The following RABEP1 variants were observed in gnomAD, a reference collection of about 807,000 sequenced individuals.
RABEP1 encodes the protein rabaptin, RAB GTPase binding effector protein 1, also known as rab GTPase-binding effector protein 1.
In RABEP1, 51 loss-of-function variants were observed where a neutral mutation model predicts 123.4. The observed-to-expected ratio is 0.41, with a 90% CI of 0.33 to 0.52. The LOEUF is 0.52. Ranked by LOEUF, RABEP1 falls within the 20% of genes least tolerant of loss-of-function variation. The pLI is 0.16. For synonymous variants in RABEP1, 347 were observed against 355.2 expected (o/e 0.98, Z 0.26); for missense variants, 888 against 996.3 (o/e 0.89, Z 1.46).
chr17:5,362,852 C>T, intron 9 of RABEP1, 60 bp from the exon 10 acceptor site: 1 of 1,114,696 alleles, frequency 9.0e-7, no homozygotes, highest in South Asian at 1.3e-5. Context: ...TGCACGTGTA[C>T]CTCAAGTGTG....
At chr17:5,308,987 A>G (rs2075208858) in intron 2 of RABEP1, among the ~76,000 whole-genome samples, 165 bp downstream of exon 2, 1 of 152,200 alleles carries the variant, frequency 6.6e-6, no homozygotes, top group South Asian at 2.1e-4. Flanking sequence ...GGATTGAAAA[A>G]CAAGTTGAAA....
chr17:5,329,507 G>C (rs183179275), intron 2 of RABEP1, among the ~76,000 whole-genome samples: 1 of 152,288 alleles, frequency 6.6e-6, no homozygotes, highest in African/African-American at 2.4e-5. Context: ...CTCTAGCCTG[G>C]GCAACAAGAG....
chr17:5,286,368 C>T (rs2074977768), intron 1 of RABEP1, among the ~76,000 whole-genome samples: 1 of 152,048 alleles, frequency 6.6e-6, no homozygotes, highest in African/African-American at 2.4e-5. Context: ...GTGGTGCGCA[C>T]CTGTAGTCCC....
At position 5,283,305 on chromosome 17, in the gene RABEP1, TA is replaced by T. The variant is rs776104482; in HGVS notation, c.34+797del. On this transcript the variant is annotated intron_variant, in intron 1 of 17. Coordinates refer to ENST00000537505, the MANE Select transcript of RABEP1 (RefSeq NM_004703.6). ...ACTTGAAGATATTTGCTTGTGGAACTAAAAAAAAAAAAGTGAAGTCGAAGAA... is the reference window on the plus strand; with the variant it reads ...ACTTGAAGATATTTGCTTGTGGAACTAAAAAAAAAAAGTGAAGTCGAAGAA... Among the ~76,000 whole-genome samples the T allele has an allele frequency of 6.7e-3, 955 of 141,730 alleles. 2 individuals are homozygous for T. The highest frequency in any genetic ancestry group is 0.015 in the Middle Eastern group (4 of 272). The allele number at this position is 141,730 out of a possible 152,430, so 93.0% of individuals were successfully genotyped here. A position where few individuals can be genotyped will look rare whatever the true frequency, so the allele number is the denominator to read the frequency against.
At chr17:5,369,028 G>C (rs946797165) in intron 12 of RABEP1, among the ~76,000 whole-genome samples, 1 of 152,136 alleles carries the variant, frequency 6.6e-6, no homozygotes, top group Non-Finnish European at 1.5e-5. Context: ...AGAAGCGCTT[G>C]AACCTGGGAG....
intron 16 of RABEP1, 88 bp downstream of exon 16, chr17:5,380,550 C>A (rs1235967647): frequency 9.0e-7 from 1 of 1,116,144 alleles, no homozygotes; most frequent in Admixed American, 2.0e-5. Context: ...AATATTGGTG[C>A]TTTGAAGTGT....
chr17:5,385,305 A>G lies in RABEP1; in HGVS notation c.*2082A>G, dbSNP rs1279513221. 1 of 230,990 alleles carries G rather than the reference A, an allele frequency of 4.3e-6. No individual in the cohort carries two copies. The highest frequency in any genetic ancestry group is 8.6e-6 in the Non-Finnish European group (1 of 116,730). 14.3% of individuals were successfully genotyped at this position (230,990 alleles called of 1,614,324 possible). A position where few individuals can be genotyped will look rare whatever the true frequency, so the allele number is the denominator to read the frequency against. On this transcript the variant is annotated 3_prime_UTR_variant, in exon 18 of 18. Coordinates refer to ENST00000537505, the MANE Select transcript of RABEP1 (RefSeq NM_004703.6). ...GTAGAAGGCAGGATTTAGCCCTTCT[A>G]GGCAAAAGAAAAGCTCAGTTGGGTT...
intron 12 of RABEP1, chr17:5,371,654 G>C (rs35218963): frequency 6.6e-6 from 1 of 152,200 alleles, no homozygotes; most frequent in African/African-American, 2.4e-5. Context: ...GCCTGTCTTA[G>C]GCCTGTTTGT....
In RABEP1 at chr17:5,368,384, C is replaced by T. The variant is rs117426331; in HGVS notation, c.1800C>T (p.Val600=). ...EDSSHQISAL[V]LRAQASEILL... ...TTTTTTTAAAGATCTCTGCACTCGT[C>T]CTAAGAGCCCAGGCCTCCGAGATCT... Residue 600 remains valine (V), a synonymous_variant, in exon 12 of 18, where the codon GTC becomes GTT. Coordinates refer to ENST00000537505, the MANE Select transcript of RABEP1 (RefSeq NM_004703.6). The T allele has an allele frequency of 4.1e-3, 6,649 of 1,612,754 alleles. 18 individuals are homozygous for T. Among genetic ancestry groups the T allele is most frequent in the Non-Finnish European group, 4.6e-3 (5,445 of 1,179,046 alleles).
Position 5,385,486 on chromosome 17 carries a change from A to G in RABEP1, c.*2263A>G, listed in dbSNP as rs1356077387. 4.3e-6 allele frequency: 1 copy of G among 230,530 alleles called. No individual in the cohort carries two copies. The highest frequency in any genetic ancestry group is 8.6e-6 in the Non-Finnish European group (1 of 116,436). 14.3% of individuals were successfully genotyped at this position (230,530 alleles called of 1,614,324 possible). A position where few individuals can be genotyped will look rare whatever the true frequency, so the allele number is the denominator to read the frequency against. On this transcript the variant is annotated 3_prime_UTR_variant, in exon 18 of 18. Coordinates refer to ENST00000537505, the MANE Select transcript of RABEP1 (RefSeq NM_004703.6). The stretch of plus-strand genomic sequence containing the variant: ...AGCAGATATAGTAGTACCTTTCAGA[A>G]CTCACATTGGCAAGTGTAAAAAGAT...
At chr17:5,311,178 C>T (rs554168624) in intron 2 of RABEP1, among the ~76,000 whole-genome samples, 18 of 152,230 alleles carry the variant, frequency 1.2e-4, no homozygotes, top group Non-Finnish European at 1.6e-4. Flanking sequence ...CCCTCAGAGA[C>T]GCTGACTCAC....
intron 1 of RABEP1, among the ~76,000 whole-genome samples, chr17:5,286,803 G>A (rs905282819): frequency 6.6e-6 from 1 of 152,126 alleles, no homozygotes; most frequent in African/African-American, 2.4e-5. Context: ...ACAAACGTAA[G>A]CAAATGATAC....
intron 8 of RABEP1, among the ~76,000 whole-genome samples, chr17:5,357,669 C>A (rs561167146): frequency 6.6e-6 from 1 of 152,298 alleles, no homozygotes; most frequent in African/African-American, 2.4e-5. Flanking sequence ...CCGTTTCCAG[C>A]TTCTGCCTGG....
chr17:5,346,770 G>A lies in RABEP1; in HGVS notation c.649-20G>A, dbSNP rs1179004545. 1 of 1,492,710 alleles carries A rather than the reference G, an allele frequency of 6.7e-7. No individual in the cohort carries two copies. Among genetic ancestry groups the A allele is most frequent in the South Asian group, 1.4e-5 (1 of 69,188 alleles). 92.5% of individuals were successfully genotyped at this position (1,492,710 alleles called of 1,614,324 possible). A position where few individuals can be genotyped will look rare whatever the true frequency, so the allele number is the denominator to read the frequency against. On this transcript the variant is annotated intron_variant, in intron 5 of 17. Coordinates refer to ENST00000537505, the MANE Select transcript of RABEP1 (RefSeq NM_004703.6). ...AAACTGTTGTAAATTTCAGTTTAAT[G>A]GAATTGCATCTTCTTTCAGGTTAAA...
chr17:5,386,156 T>A lies in RABEP1; in HGVS notation c.*2933T>A. ...ATTCTACCTGTTTTACAATATGGGT[T>A]TAAGCCTTCAATGGTGTTCAGTTCA... On this transcript the variant is annotated 3_prime_UTR_variant, in exon 18 of 18. Transcript: ENST00000537505. The A allele has an allele frequency of 7.1e-7, 1 of 1,409,644 alleles. No individual in the cohort carries two copies. The highest frequency in any genetic ancestry group is 1.4e-5 in the African/African-American group (1 of 69,892). The allele number at this position is 1,409,644 out of a possible 1,614,324, so 87.3% of individuals were successfully genotyped here.
chr17:5,383,096 T>C, intron 17 of RABEP1, 26 bp from the exon 18 acceptor site: 7 of 1,599,142 alleles, frequency 4.4e-6, no homozygotes, highest in Non-Finnish European at 6.0e-6. Flanking sequence ...GAGCCACCTG[T>C]AGTTATCTCA....
chr17:5,340,237 A>G (rs1176201098), intron 5 of RABEP1, among the ~76,000 whole-genome samples: 3 of 152,210 alleles, frequency 2.0e-5, no homozygotes, highest in Non-Finnish European at 4.4e-5. Flanking sequence ...AATAGTTAAG[A>G]GCTCAGCATT....
At chr17:5,306,098 G>T (rs1365420078) in intron 1 of RABEP1, among the ~76,000 whole-genome samples, 1 of 152,054 alleles carries the variant, frequency 6.6e-6, no homozygotes, top group Non-Finnish European at 1.5e-5. Context: ...TTATAAATTG[G>T]AAATAACATA....
At chr17:5,363,782 G>A (rs2144683414) in intron 10 of RABEP1, among the ~76,000 whole-genome samples, 1 of 152,188 alleles carries the variant, frequency 6.6e-6, no homozygotes, top group South Asian at 2.1e-4. Flanking sequence ...GTTGAATTAA[G>A]GTTAATAAGT....
Sources: gnomAD v4.1 joint callset for allele counts (sites outside exome capture counted in the v4.1 genomes callset) on GRCh38, gnomAD v4.1.1 for gene constraint, MANE v1.5 for transcripts, NCBI Gene and HGNC (gene_info 2026-07-23, HGNC 2026-07-21) for gene names.